Variants in SLC4A7 observed in about 807,000 individuals in gnomAD.
SLC4A7 encodes the protein sodium bicarbonate cotransporter 3.
Under a neutral mutation model 137.6 loss-of-function variants are expected in SLC4A7, and 51 were observed. The ratio of observed to expected loss-of-function variants is 0.37; its 90% CI spans 0.30 to 0.47. The LOEUF (loss-of-function observed/expected upper bound fraction) is 0.47, where lower values mean the gene tolerates loss of function less well. Ranked by LOEUF, SLC4A7 falls within the 20% of genes least tolerant of loss-of-function variation. The pLI is 1.00. For missense variants in SLC4A7, 1,247 were observed against 1,525.4 expected, an observed-to-expected ratio of 0.82 and a Z score of 3.04; for synonymous variants, 542 against 518.6, an observed-to-expected ratio of 1.05 and a Z score of -0.61.
At chr3:27,460,530 C>G (rs888247880) in intron 1 of SLC4A7, among the ~76,000 whole-genome samples, 2 of 152,094 alleles carry the variant, frequency 1.3e-5, no homozygotes, top group Non-Finnish European at 2.9e-5. Flanking sequence ...TCAATGTCAC[C>G]AAATCCCTAC....
intron 1 of SLC4A7, among the ~76,000 whole-genome samples, chr3:27,472,815 C>T (rs1576663623): frequency 1.3e-5 from 2 of 152,234 alleles, no homozygotes; most frequent in African/African-American, 4.8e-5. Flanking sequence ...CACAGTGGCT[C>T]ATGCCTATAA....
intron 1 of SLC4A7, among the ~76,000 whole-genome samples, chr3:27,453,650 C>T (rs897999005): frequency 1.3e-5 from 2 of 152,172 alleles, no homozygotes; most frequent in Non-Finnish European, 2.9e-5. Context: ...ACAATTGTTG[C>T]TGCTATGGAA....
chr3:27,448,898 C>T, intron 2 of SLC4A7, 101 bp from the exon 3 acceptor site: 1 of 759,256 alleles, frequency 1.3e-6, no homozygotes, highest in Non-Finnish European at 2.0e-6. Flanking sequence ...AATATAAGTT[C>T]ACGTAATTAA....
chr3:27,436,678 G>A (rs536264474), intron 4 of SLC4A7, 130 bp from the exon 5 acceptor site: 26 of 600,178 alleles, frequency 4.3e-5, no homozygotes, highest in African/African-American at 3.0e-4. Context: ...GACCAAACAC[G>A]TTTTCACAAA....
chr3:27,418,896 G>A (rs1331925296), intron 10 of SLC4A7, among the ~76,000 whole-genome samples: 1 of 152,080 alleles, frequency 6.6e-6, no homozygotes, highest in African/African-American at 2.4e-5. Context: ...AATTTTGCCT[G>A]GGAAATAGTA....
In SLC4A7 at chr3:27,440,500, G is replaced by A. The variant is rs2150436550; in HGVS notation, c.290-2974C>T. ...CCCAGCACTTTGGGAGGCCGAGGCA[G>A]GTGGATCACCTCAGGTCAGGAGTTC... On this transcript the variant is annotated intron_variant, in intron 3 of 25. Coordinates refer to ENST00000454389, the MANE Select transcript of SLC4A7 (RefSeq NM_001321103.2). 1.3e-5 allele frequency among the ~76,000 whole-genome samples: 2 copies of A among 152,236 alleles called. 1 individual carries two copies. Among genetic ancestry groups the A allele is most frequent in the South Asian group, 4.1e-4 (2 of 4,824 alleles).
At chr3:27,420,347 C>T (rs976130241) in intron 10 of SLC4A7, among the ~76,000 whole-genome samples, 1 of 151,604 alleles carries the variant, frequency 6.6e-6, no homozygotes, top group Non-Finnish European at 1.5e-5. Flanking sequence ...GATCGGGACC[C>T]CATATCAGAG....
At chr3:27,419,624 C>T (rs139689206) in intron 10 of SLC4A7, among the ~76,000 whole-genome samples, 41 of 150,972 alleles carry the variant, frequency 2.7e-4, no homozygotes, top group African/African-American at 9.4e-4. Context: ...GAGTGAGCCA[C>T]TGCGCCCGGC....
intron 1 of SLC4A7, among the ~76,000 whole-genome samples, chr3:27,474,386 C>T (rs1283471626): frequency 1.3e-5 from 2 of 152,130 alleles, no homozygotes; most frequent in African/African-American, 4.8e-5. Flanking sequence ...GTGATCAGTA[C>T]TCTATTCTTA....
chr3:27,415,866 A>C (rs921887199), intron 11 of SLC4A7, among the ~76,000 whole-genome samples: 2 of 152,222 alleles, frequency 1.3e-5, no homozygotes, highest in African/African-American at 4.8e-5. Context: ...AAAAAGCAAA[A>C]GTGTTCATGC....
chr3:27,428,046 G>GA (rs2055839498), intron 7 of SLC4A7, among the ~76,000 whole-genome samples: 1 of 151,996 alleles, frequency 6.6e-6, no homozygotes, highest in Admixed American at 6.6e-5. Flanking sequence ...TGTAATATTG[G>GA]AAAAAATGGA....
chr3:27,473,079 CAAAA>C (rs35807931), intron 1 of SLC4A7, among the ~76,000 whole-genome samples: 1 of 131,540 alleles, frequency 7.6e-6, no homozygotes, highest in African/African-American at 2.9e-5. Flanking sequence ...GACTCTGTCT[CAAAA>C]AAAAAAAAAA....
intron 16 of SLC4A7, among the ~76,000 whole-genome samples, chr3:27,400,364 C>T (rs1285298190): frequency 2.0e-5 from 3 of 152,012 alleles, no homozygotes; most frequent in Admixed American, 6.6e-5. Context: ...AATTAGCTGT[C>T]GATGGAGCAG....
chr3:27,460,087 G>A (rs1260059366), intron 1 of SLC4A7, among the ~76,000 whole-genome samples: 2 of 151,126 alleles, frequency 1.3e-5, no homozygotes, highest in Non-Finnish European at 2.9e-5. Flanking sequence ...CCCAGGCTGG[G>A]TGCAGTGGCA....
At chr3:27,408,328 C>T (rs916835955) in intron 13 of SLC4A7, among the ~76,000 whole-genome samples, 2 of 152,220 alleles carry the variant, frequency 1.3e-5, no homozygotes, top group Non-Finnish European at 2.9e-5. Context: ...AGATAAAACA[C>T]ATTTCCATGG....
chr3:27,393,022 A>T (rs1457220788), intron 20 of SLC4A7, among the ~76,000 whole-genome samples: 1 of 152,110 alleles, frequency 6.6e-6, no homozygotes, highest in Non-Finnish European at 1.5e-5. Flanking sequence ...GAATATTAGA[A>T]CAAATCCAAA....
chr3:27,435,145 T>C (rs1249424779), intron 5 of SLC4A7, among the ~76,000 whole-genome samples: 1 of 152,230 alleles, frequency 6.6e-6, no homozygotes. Context: ...ATTAAGTTCA[T>C]GGTTCTCTTG....
In SLC4A7 at chr3:27,421,817, G is replaced by A. The variant is rs1010219482; in HGVS notation, c.1267-38C>T. On this transcript the variant is annotated intron_variant, in intron 8 of 25. Transcript: ENST00000454389. ...AAATAATTAAAAATAAAGTTTCCGT[G>A]GTATTTGTAAGACTAGAGAGAAACA... The A allele has an allele frequency of 5.2e-6, 8 of 1,527,480 alleles. 1 individual carries two copies. The highest frequency in any genetic ancestry group is 1.2e-5 in the South Asian group (1 of 83,266). 94.6% of individuals were successfully genotyped at this position (1,527,480 alleles called of 1,614,324 possible).
chr3:27,482,630 G>C (rs1160678497), intron 1 of SLC4A7, among the ~76,000 whole-genome samples: 2 of 152,074 alleles, frequency 1.3e-5, no homozygotes, highest in Non-Finnish European at 2.9e-5. Context: ...AAATTAGCTG[G>C]GCATAGTGGT....
Sources: gnomAD v4.1 joint callset for allele counts (sites outside exome capture counted in the v4.1 genomes callset) on GRCh38, gnomAD v4.1.1 for gene constraint, MANE v1.5 for transcripts, NCBI Gene and HGNC (gene_info 2026-07-23, HGNC 2026-07-21) for gene names.